SYNE1: variants seen among roughly 807,000 people sequenced by gnomAD.
The protein encoded by SYNE1 is spectrin repeat containing nuclear envelope protein 1.
SYNE1 carries 616 observed loss-of-function variants against 1,111.0 expected under a neutral mutation model. The ratio of observed to expected loss-of-function variants is 0.55; its 90% CI spans 0.52 to 0.59. The LOEUF (loss-of-function observed/expected upper bound fraction) is 0.59. Ranked by LOEUF, SYNE1 falls within the 20% of genes least tolerant of loss-of-function variation. SYNE1 has a pLI of 0.00. For synonymous variants in SYNE1, 3,855 were observed against 3,825.8 expected, an observed-to-expected ratio of 1.01 and a Z score of -0.28; for missense variants, 10,006 against 10,417.0, an observed-to-expected ratio of 0.96 and a Z score of 1.72.
chr6:152,409,271 G>A, intron 43 of SYNE1, 45 bp from the exon 44 acceptor site: 1 of 1,585,306 alleles, frequency 6.3e-7, no homozygotes, highest in African/African-American at 1.3e-5. Context: ...TCAGTGATAA[G>A]TCATGAGTTT....
intron 3 of SYNE1, among the ~76,000 whole-genome samples, chr6:152,547,269 C>T (rs370422841): frequency 3.9e-5 from 6 of 152,244 alleles, no homozygotes; most frequent in South Asian, 4.1e-4. Flanking sequence ...GTTGCTCTAA[C>T]AAAAATCTAA....
At chr6:152,361,553 A>G (rs1477720020) in intron 64 of SYNE1, among the ~76,000 whole-genome samples, 1 of 152,208 alleles carries the variant, frequency 6.6e-6, no homozygotes, top group Non-Finnish European at 1.5e-5. Context: ...GAGGTGATAC[A>G]AATGAGCAGG....
intron 5 of SYNE1, among the ~76,000 whole-genome samples, chr6:152,525,555 G>A (rs977862319): frequency 2.0e-5 from 3 of 152,136 alleles, no homozygotes; most frequent in Non-Finnish European, 4.4e-5. Context: ...TTTTCACTCT[G>A]CTGGCTCCAC....
At chr6:152,465,221 A>T in intron 18 of SYNE1, 37 bp downstream of exon 18, 1 of 1,608,898 alleles carries the variant, frequency 6.2e-7, no homozygotes, top group Non-Finnish European at 8.5e-7. Context: ...TTTTACATAC[A>T]TCAAACGTCT....
intron 73 of SYNE1, among the ~76,000 whole-genome samples, chr6:152,346,671 G>T (rs1248164383): frequency 1.3e-5 from 2 of 151,982 alleles, no homozygotes; most frequent in South Asian, 2.1e-4. Flanking sequence ...TTAGCCAGGC[G>T]TGGTGGCGGG....
chr6:152,395,438 A>G, intron 51 of SYNE1, 78 bp downstream of exon 51: 1 of 1,522,108 alleles, frequency 6.6e-7, no homozygotes, highest in South Asian at 1.3e-5. Flanking sequence ...CTAACCAATC[A>G]AAACCAAACC....
intron 3 of SYNE1, among the ~76,000 whole-genome samples, chr6:152,619,815 C>G (rs1283990787): frequency 6.6e-6 from 1 of 152,046 alleles, no homozygotes; most frequent in Non-Finnish European, 1.5e-5. Context: ...CCCAACTCAA[C>G]AAGAGAGGGA....
chr6:152,276,450 GT>G lies in SYNE1; in HGVS notation c.18573+1638del, dbSNP rs1384130433. ...TAAATTTCTCCATTGCTTCTAAATAGTTTTTAGTTGATTAAGTTTGGTTTTC... is the reference window on the plus strand; with the variant it reads ...TAAATTTCTCCATTGCTTCTAAATAGTTTTAGTTGATTAAGTTTGGTTTTC... On this transcript the variant is annotated intron_variant, in intron 98 of 145. Coordinates refer to ENST00000367255, the MANE Select transcript of SYNE1 (RefSeq NM_182961.4). Among the ~76,000 whole-genome samples, 84 of 151,668 alleles carry G rather than the reference GT, an allele frequency of 5.5e-4. 1 individual carries two copies. In the Middle Eastern group the frequency reaches 0.017, roughly 31 times the overall value.
At position 152,352,182 on chromosome 6, in the gene SYNE1, T is replaced by C. The variant is rs568248105; in HGVS notation, c.11425A>G (p.Met3809Val). Residue 3809 changes from methionine (M) to valine (V), a missense_variant, in exon 70 of 146, where the codon ATG becomes GTG. Around this residue, in one of 7 missense-constraint regions of SYNE1, gnomAD observed 4,955 missense variants for 5,017.2 expected, o/e 0.99. Coordinates refer to ENST00000367255, the MANE Select transcript of SYNE1 (RefSeq NM_182961.4). ...ELTSTVRKEH[M>V]TLEKGLHLAK... The stretch of plus-strand genomic sequence containing the variant: ...AAATGAAGACCTTTTTCCAGCGTCA[T>C]GTGTTCTTTCCGGACAGTGCTGGTC... The C allele has an allele frequency of 7.2e-5, 116 of 1,614,226 alleles. 2 individuals carry two copies. The South Asian group carries it at 1.2e-3, about 16-fold the overall frequency.
chr6:152,587,823 A>G (rs546401408), intron 3 of SYNE1, among the ~76,000 whole-genome samples: 157 of 152,324 alleles, frequency 1.0e-3, no homozygotes, highest in African/African-American at 3.7e-3. Context: ...GATAGCCATT[A>G]GTAATCACAG....
chr6:152,313,710 C>CAAA (rs1456443110), intron 87 of SYNE1, among the ~76,000 whole-genome samples: 1 of 152,104 alleles, frequency 6.6e-6, no homozygotes, highest in Non-Finnish European at 1.5e-5. Flanking sequence ...GTGATCCACC[C>CAAA]CTCTTGGCCT....
chr6:152,436,728 T>C (rs1376315105), intron 32 of SYNE1, among the ~76,000 whole-genome samples: 4 of 152,242 alleles, frequency 2.6e-5, no homozygotes, highest in Admixed American at 6.5e-5. Flanking sequence ...TCCATTATAA[T>C]AATTAATTTA....
At position 152,268,259 on chromosome 6, in the gene SYNE1, C is replaced by T. The variant is rs547237599; in HGVS notation, c.18706-94G>A. On this transcript the variant is annotated intron_variant, in intron 99 of 145. Transcript: ENST00000367255. ...TAGCTATAAAATTCTCAGAGAACTTCGGTAGTGAGCTTTTAAGTTTGCATA... is the reference window on the plus strand; with the variant it reads ...TAGCTATAAAATTCTCAGAGAACTTTGGTAGTGAGCTTTTAAGTTTGCATA... 113 of 972,842 alleles carry T rather than the reference C, an allele frequency of 1.2e-4. No homozygotes were observed. The African/African-American group carries it at 1.5e-3, about 13-fold the overall frequency. 60.3% of individuals were successfully genotyped at this position (972,842 alleles called of 1,614,324 possible).
At chr6:152,633,163 G>A (rs542657612) in intron 2 of SYNE1, among the ~76,000 whole-genome samples, 54 of 152,302 alleles carry the variant, frequency 3.5e-4, no homozygotes, top group African/African-American at 1.2e-3. Context: ...GCGGGAGCAC[G>A]AAGGAGAGGG....
chr6:152,395,272 T>C (rs1035167222), intron 51 of SYNE1, among the ~76,000 whole-genome samples: 3 of 152,166 alleles, frequency 2.0e-5, no homozygotes, highest in Admixed American at 6.5e-5. Flanking sequence ...GCCCAATTTC[T>C]TGAACAAACA....
chr6:152,336,640 C>A, intron 76 of SYNE1: 1 of 672,098 alleles, frequency 1.5e-6, no homozygotes, highest in Non-Finnish European at 2.6e-6. Flanking sequence ...TCGCCTCCCA[C>A]TGTGCGGCCA....
intron 105 of SYNE1, among the ~76,000 whole-genome samples, chr6:152,247,776 CACACAT>C (rs1562485035): frequency 7.0e-4 from 100 of 142,796 alleles, no homozygotes; most frequent in African/African-American, 2.5e-3. Flanking sequence ...CACACACACA[CACACAT>C]ATATTTTTAA....
intron 3 of SYNE1, 47 bp downstream of exon 3, chr6:152,628,218 A>G (rs1050390863): frequency 5.0e-6 from 8 of 1,589,598 alleles, no homozygotes; most frequent in Non-Finnish European, 6.9e-6. Flanking sequence ...ATTGTGGGTT[A>G]AGATGGTATT....
chr6:152,354,614 G>A (rs534397702), intron 67 of SYNE1, 45 bp downstream of exon 67: 1 of 1,605,840 alleles, frequency 6.2e-7, no homozygotes, highest in African/African-American at 1.3e-5. Context: ...ACTATGCAAG[G>A]TAACTGTAGC....
Sources: gnomAD v4.1 joint callset for allele counts (sites outside exome capture counted in the v4.1 genomes callset) on GRCh38, gnomAD v4.1.1 for gene constraint, gnomAD v4.1.1 regional missense constraint, MANE v1.5 for transcripts, NCBI Gene and HGNC (gene_info 2026-07-23, HGNC 2026-07-21) for gene names.